The following UBE2K variants were observed in gnomAD, a reference collection of about 807,000 sequenced individuals.
UBE2K encodes ubiquitin conjugating enzyme E2 K, also known as ubiquitin-conjugating enzyme E2 K.
Under a neutral mutation model 30.0 loss-of-function variants are expected in UBE2K, and 6 were observed. The observed-to-expected ratio is 0.20, with a 90% confidence interval of 0.11 to 0.39. UBE2K has a LOEUF of 0.39. Ranked by LOEUF, UBE2K falls within the 10% of genes least tolerant of loss-of-function variation. The pLI is 1.00. For synonymous variants in UBE2K, 86 were observed against 83.7 expected, an observed-to-expected ratio of 1.03 and a Z score of -0.15; for missense variants, 61 against 241.6, an observed-to-expected ratio of 0.25 and a Z score of 4.96.
intron 4 of UBE2K, 137 bp downstream of exon 4, chr4:39,755,876 C>A: frequency 1.7e-6 from 1 of 582,058 alleles, no homozygotes; most frequent in Non-Finnish European, 2.9e-6. Context: ...CTCTTAAGTG[C>A]ATAACTGAAA....
chr4:39,706,197 T>C (rs545811424), intron 1 of UBE2K, among the ~76,000 whole-genome samples: 1 of 152,072 alleles, frequency 6.6e-6, no homozygotes, highest in East Asian at 1.9e-4. Context: ...ATTTTTTTTT[T>C]AGTAGAGACG....
intron 2 of UBE2K, among the ~76,000 whole-genome samples, chr4:39,739,031 CACT>C (rs1476098742): frequency 5.0e-5 from 3 of 60,248 alleles, no homozygotes; most frequent in African/African-American, 1.7e-4. Context: ...TTACCCAAAA[CACT>C]TTTTTTTTTT....
Position 39,698,182 on chromosome 4 carries a change from C to T in UBE2K, c.-146C>T, listed in dbSNP as rs1717794611. Reference sequence around the variant, plus strand: ...GGAGGTGATTCCACACTGAGGCGAGCGCGGCGGCCGGGGTGGTAGTGGCAG... The same window carrying T: ...GGAGGTGATTCCACACTGAGGCGAGTGCGGCGGCCGGGGTGGTAGTGGCAG... On this transcript the variant is annotated 5_prime_UTR_variant, in exon 1 of 7. Transcript: ENST00000261427. 1 of 795,562 alleles carries T rather than the reference C, an allele frequency of 1.3e-6. No homozygotes were observed. The highest frequency in any genetic ancestry group is 1.5e-5 in the South Asian group (1 of 65,942). 49.3% of individuals were successfully genotyped at this position (795,562 alleles called of 1,614,324 possible). A position where few individuals can be genotyped will look rare whatever the true frequency, so the allele number is the denominator to read the frequency against.
chr4:39,717,879 A>C (rs927589495), intron 1 of UBE2K, among the ~76,000 whole-genome samples: 34 of 145,780 alleles, frequency 2.3e-4, no homozygotes, highest in African/African-American at 9.2e-4. Flanking sequence ...TACAGCTCTT[A>C]AGGCGGCGCG....
At chr4:39,754,994 G>T (rs888097513) in intron 3 of UBE2K, among the ~76,000 whole-genome samples, 3 of 152,120 alleles carry the variant, frequency 2.0e-5, no homozygotes, top group Non-Finnish European at 4.4e-5. Context: ...TCACTTGTTG[G>T]TTTGTTATTC....
At chr4:39,770,094 A>G (rs1026359905) in intron 4 of UBE2K, 9 of 1,561,736 alleles carry the variant, frequency 5.8e-6, no homozygotes, top group Non-Finnish European at 7.8e-6. Flanking sequence ...GCGGATGAGG[A>G]CATTAATCTC....
At chr4:39,736,994 A>C in intron 1 of UBE2K, among the ~76,000 whole-genome samples, 1 of 152,130 alleles carries the variant, frequency 6.6e-6, no homozygotes, top group Middle Eastern at 3.2e-3. Context: ...AATGGCTTTT[A>C]ATGACCCTGA....
At chr4:39,700,302 A>G (rs1180896440) in intron 1 of UBE2K, among the ~76,000 whole-genome samples, 3 of 152,212 alleles carry the variant, frequency 2.0e-5, no homozygotes, top group Non-Finnish European at 4.4e-5. Flanking sequence ...TTGAAGCCTT[A>G]CTTCAGATAA....
chr4:39,700,891 TGAAAAAG>T (rs1717970193), intron 1 of UBE2K, among the ~76,000 whole-genome samples: 2 of 139,388 alleles, frequency 1.4e-5, no homozygotes, highest in African/African-American at 5.5e-5. Context: ...AAGATAAATG[TGAAAAAG>T]CAAGGTGCAG....
chr4:39,771,318 G>T, intron 4 of UBE2K: 1 of 1,612,198 alleles, frequency 6.2e-7, no homozygotes, highest in South Asian at 1.1e-5. Context: ...ACTTGAGGCT[G>T]TCGGCCACAA....
At chr4:39,712,468 C>T (rs1323279815) in intron 1 of UBE2K, among the ~76,000 whole-genome samples, 2 of 147,104 alleles carry the variant, frequency 1.4e-5, no homozygotes, top group African/African-American at 2.5e-5. Context: ...CTCGCTTTAT[C>T]GCCCAGGCTG....
chr4:39,735,546 A>G (rs569785432), intron 1 of UBE2K, among the ~76,000 whole-genome samples: 34 of 152,228 alleles, frequency 2.2e-4, no homozygotes, highest in African/African-American at 8.2e-4. Context: ...ACACCTGGCT[A>G]ATTTTTTTGT....
At chr4:39,731,418 A>T (rs565883458) in intron 1 of UBE2K, among the ~76,000 whole-genome samples, 159 of 151,762 alleles carry the variant, frequency 1.0e-3, no homozygotes, top group African/African-American at 3.6e-3. Context: ...GGTGGCTCAC[A>T]CCTGTAATCC....
intron 1 of UBE2K, among the ~76,000 whole-genome samples, chr4:39,734,175 G>A (rs1224295262): frequency 6.9e-6 from 1 of 145,424 alleles, no homozygotes; most frequent in East Asian, 2.0e-4. Context: ...GCGAAATCTC[G>A]GCTCACTCCA....
chr4:39,754,978 G>A (rs1476759961), intron 3 of UBE2K, among the ~76,000 whole-genome samples: 2 of 152,120 alleles, frequency 1.3e-5, no homozygotes, highest in Non-Finnish European at 1.5e-5. Flanking sequence ...TAGAGTTTTA[G>A]CATTTTCACT....
rs3839130 is a variant in UBE2K, at chr4:39,779,042, A to ACCCCCCCC, written c.*609_*616dup. ...TGGGACAGTGTCTGATTCCCCCTTCACCCCCCCCACCCCCGCCTTGCCACA... is the reference window on the plus strand; with the variant it reads ...TGGGACAGTGTCTGATTCCCCCTTCACCCCCCCCCCCCCCCCACCCCCGCCTTGCCACA... On this transcript the variant is annotated 3_prime_UTR_variant, in exon 7 of 7. Transcript: ENST00000261427. 1.6e-5 allele frequency: 2 copies of ACCCCCCCC among 128,224 alleles called. No homozygotes were observed. The highest frequency in any genetic ancestry group is 2.2e-4 in the East Asian group (1 of 4,468). 7.9% of individuals were successfully genotyped at this position (128,224 alleles called of 1,614,324 possible).
chr4:39,716,556 A>G (rs1719074961), intron 1 of UBE2K, among the ~76,000 whole-genome samples: 1 of 152,102 alleles, frequency 6.6e-6, no homozygotes, highest in South Asian at 2.1e-4. Flanking sequence ...GCCCAGATGG[A>G]CTATTTGTAT....
chr4:39,714,751 A>ACTG (rs1490402148), intron 1 of UBE2K, among the ~76,000 whole-genome samples: 5 of 150,050 alleles, frequency 3.3e-5, no homozygotes, highest in African/African-American at 4.9e-5. Context: ...GGGTTTTACC[A>ACTG]TGTTGGCCAG....
intron 4 of UBE2K, among the ~76,000 whole-genome samples, chr4:39,761,677 A>G (rs1207479542): frequency 6.6e-6 from 1 of 152,194 alleles, no homozygotes; most frequent in Non-Finnish European, 1.5e-5. Context: ...AGTTGATTGT[A>G]TATACTGATC....
Sources: allele counts gnomAD v4.1 joint callset (sites outside exome capture counted in the v4.1 genomes callset), GRCh38; gene constraint gnomAD v4.1.1; transcripts MANE v1.5; gene names NCBI Gene and HGNC (gene_info 2026-07-23, HGNC 2026-07-21).